CDK19: variants seen among roughly 807,000 people sequenced by gnomAD.
CDK19 encodes the protein cyclin dependent kinase 19, also known as cyclin-dependent kinase 19.
CDK19 carries 20 observed loss-of-function variants against 68.3 expected under a neutral mutation model. The observed-to-expected ratio is 0.29, with a 90% CI of 0.21 to 0.43. The LOEUF (loss-of-function observed/expected upper bound fraction) is 0.43. CDK19 is among the 20% of genes least tolerant of loss of function. CDK19 has a pLI of 1.00. For synonymous variants in CDK19, 221 were observed against 222.8 expected (o/e 0.99, Z 0.07); for missense variants, 339 against 623.5 (o/e 0.54, Z 4.86).
intron 1 of CDK19, among the ~76,000 whole-genome samples, chr6:110,806,010 T>C (rs1191055595): frequency 6.6e-6 from 1 of 151,290 alleles, no homozygotes; most frequent in East Asian, 1.9e-4. Context: ...TTGTACTTCC[T>C]TTAACAAATG....
At chr6:110,684,958 G>T (rs1255311136) in intron 2 of CDK19, among the ~76,000 whole-genome samples, 2 of 152,104 alleles carry the variant, frequency 1.3e-5, no homozygotes, top group Non-Finnish European at 2.9e-5. Flanking sequence ...GGCCAACATG[G>T]CGAAACCCCA....
At position 110,614,610 on chromosome 6, in the gene CDK19, C is replaced by G; in HGVS notation, c.1434G>C (p.Gln478His). Residue 478 changes from glutamine to histidine, a missense_variant, in exon 13 of 13, where the codon CAG becomes CAC. Gln to His is a conservative substitution (Grantham distance 24, BLOSUM62 0). This residue lies in a region of CDK19 where 155 missense variants were observed against 222.7 expected (regional missense o/e 0.70). Transcript: ENST00000368911. ...ACGAGGAAGAGTAGCCAAGTGTGCT[C>G]TGGGACTGAGAGGATCCCTGAACGC... ...QSSVQGSSQS[Q>H]STLGYSSSSQ... The G allele has an allele frequency of 1.2e-6, 2 of 1,614,010 alleles. No homozygotes were observed. The highest frequency in any genetic ancestry group is 1.1e-5 in the South Asian group (1 of 91,080).
At chr6:110,646,431 G>A (rs1247393724) in intron 4 of CDK19, 4 of 1,499,172 alleles carry the variant, frequency 2.7e-6, no homozygotes, top group South Asian at 1.3e-5. Flanking sequence ...TTCCCGCGCC[G>A]CAGCTACCCC....
At chr6:110,739,109 C>A (rs903439416) in intron 2 of CDK19, among the ~76,000 whole-genome samples, 11 of 152,216 alleles carry the variant, frequency 7.2e-5, no homozygotes, top group African/African-American at 2.7e-4. Context: ...TTCCCTATTT[C>A]TCTTCCCTCC....
chr6:110,749,649 C>A lies in CDK19; in HGVS notation c.129-3448G>T, dbSNP rs371562882. On this transcript the variant is annotated intron_variant, in intron 1 of 12. Coordinates refer to ENST00000368911, the MANE Select transcript of CDK19 (RefSeq NM_015076.5). ...TTCTAGGATTACAGGCCTGTACCAC[C>A]GCGCCCTCCTGGCTCTGGAAAATTT... Among the ~76,000 whole-genome samples, 28 of 152,106 alleles carry A rather than the reference C, an allele frequency of 1.8e-4. No individual in the cohort carries two copies. The South Asian group carries it at 5.6e-3, about 30-fold the overall frequency.
intron 2 of CDK19, among the ~76,000 whole-genome samples, chr6:110,710,771 A>G (rs745329077): frequency 1.1e-4 from 16 of 152,196 alleles, no homozygotes; most frequent in Non-Finnish European, 1.9e-4. Context: ...TCACCTCCTA[A>G]TATCATCATC....
intron 12 of CDK19, among the ~76,000 whole-genome samples, chr6:110,615,152 G>A (rs1373082020): frequency 6.6e-6 from 1 of 152,162 alleles, no homozygotes; most frequent in Admixed American, 6.5e-5. Context: ...GAAGCTAGGG[G>A]TATCAGGAGT....
At chr6:110,623,396 A>C in intron 8 of CDK19, 34 bp from the exon 9 acceptor site, 1 of 1,599,846 alleles carries the variant, frequency 6.3e-7, no homozygotes, top group South Asian at 1.1e-5. Flanking sequence ...CATCACTGGG[A>C]ACACTCATCC....
intron 1 of CDK19, among the ~76,000 whole-genome samples, chr6:110,773,658 T>C (rs1780197042): frequency 6.6e-6 from 1 of 152,182 alleles, no homozygotes; most frequent in Non-Finnish European, 1.5e-5. Flanking sequence ...AAATTTAGAG[T>C]CTTTAGTTCT....
At chr6:110,645,641 G>T in intron 4 of CDK19, 1 of 312,642 alleles carries the variant, frequency 3.2e-6, no homozygotes, top group Non-Finnish European at 6.3e-6. Context: ...GGACTCACGA[G>T]CCGGAGCCCA....
intron 2 of CDK19, among the ~76,000 whole-genome samples, chr6:110,715,098 T>C (rs533482428): frequency 2.0e-5 from 3 of 152,144 alleles, no homozygotes; most frequent in Non-Finnish European, 4.4e-5. Context: ...GAATATTCAT[T>C]TTTAAATCTA....
intron 1 of CDK19, among the ~76,000 whole-genome samples, chr6:110,797,984 CAAAAA>C (rs56710819): frequency 2.3e-5 from 2 of 87,252 alleles, no homozygotes; most frequent in Admixed American, 1.4e-4. Flanking sequence ...GACTCCGTCT[CAAAAA>C]AAAAAAAAAA....
chr6:110,682,667 T>C (rs773070068), intron 2 of CDK19, among the ~76,000 whole-genome samples: 1 of 152,128 alleles, frequency 6.6e-6, no homozygotes, highest in Non-Finnish European at 1.5e-5. Flanking sequence ...ATGTTCCCCT[T>C]TGCCACCCAG....
intron 1 of CDK19, among the ~76,000 whole-genome samples, chr6:110,783,158 T>C (rs1261172855): frequency 6.6e-6 from 1 of 152,058 alleles, no homozygotes; most frequent in Non-Finnish European, 1.5e-5. Context: ...GCCTGAGAGA[T>C]GACATGGGAG....
chr6:110,653,589 T>C (rs566932872), intron 4 of CDK19, among the ~76,000 whole-genome samples: 24 of 152,168 alleles, frequency 1.6e-4, no homozygotes, highest in Non-Finnish European at 3.2e-4. Context: ...ACAGTAGAAA[T>C]GGCAAGAGTT....
At chr6:110,788,239 T>C (rs1278472535) in intron 1 of CDK19, among the ~76,000 whole-genome samples, 1 of 151,982 alleles carries the variant, frequency 6.6e-6, no homozygotes, top group African/African-American at 2.4e-5. Flanking sequence ...TATAGCTCAC[T>C]ATAACCTCAA....
At chr6:110,728,061 T>G (rs988383062) in intron 2 of CDK19, among the ~76,000 whole-genome samples, 25 of 148,014 alleles carry the variant, frequency 1.7e-4, no homozygotes, top group African/African-American at 6.2e-4. Context: ...GAGGCCAAGG[T>G]GGGGGATCAC....
intron 8 of CDK19, among the ~76,000 whole-genome samples, chr6:110,625,251 G>C (rs949189350): frequency 6.6e-6 from 1 of 151,952 alleles, no homozygotes; most frequent in Non-Finnish European, 1.5e-5. Context: ...TTTTTAACAA[G>C]GTCTCCAGGT....
At chr6:110,744,762 G>T (rs1021706261) in intron 2 of CDK19, among the ~76,000 whole-genome samples, 1 of 152,162 alleles carries the variant, frequency 6.6e-6, no homozygotes, top group South Asian at 2.1e-4. Flanking sequence ...GATTAGAAGA[G>T]ACCTAATAGT....
Sources: allele counts gnomAD v4.1 joint callset (sites outside exome capture counted in the v4.1 genomes callset), GRCh38; gene constraint gnomAD v4.1.1; regional missense constraint gnomAD v4.1.1; transcripts MANE v1.5; gene names NCBI Gene and HGNC (gene_info 2026-07-23, HGNC 2026-07-21).